Variants in SLC9C2 observed in about 807,000 individuals in gnomAD.
SLC9C2 encodes sodium/hydrogen exchanger 11.
SLC9C2 carries 75 observed loss-of-function variants against 140.2 expected under a neutral mutation model. The ratio of observed to expected loss-of-function variants is 0.53; its 90% confidence interval spans 0.44 to 0.65. The LOEUF (loss-of-function observed/expected upper bound fraction) is 0.65. SLC9C2 is among the 30% of genes least tolerant of loss of function. The pLI is 0.00. For missense variants in SLC9C2, 1,074 were observed against 1,331.8 expected, an observed-to-expected ratio of 0.81 and a Z score of 3.01; for synonymous variants, 375 against 420.9, an observed-to-expected ratio of 0.89 and a Z score of 1.34.
chr1:173,523,998 C>T lies in SLC9C2; in HGVS notation c.2611G>A (p.Gly871Ser), dbSNP rs779781888. 29 of 1,613,264 alleles carry T rather than the reference C, an allele frequency of 1.8e-5. No homozygotes were observed. The highest frequency in any genetic ancestry group is 2.2e-5 in the East Asian group (1 of 44,838). The stretch of plus-strand genomic sequence containing the variant: ...AAGAAGTCAATGAGAACATCTTTAC[C>T]TTCCAGCCAAATGATGTTGTGAAGG... ...IYLHNIIWLE[G>S]KDVLIDFFKE... Residue 871 changes from glycine (G) to serine (S), a missense_variant, in exon 21 of 28, where the codon GGT becomes AGT. Coordinates refer to ENST00000367714, the MANE Select transcript of SLC9C2 (RefSeq NM_178527.4).
At chr1:173,509,846 G>T in intron 23 of SLC9C2, 147 bp from the exon 24 acceptor site, 3 of 822,308 alleles carry the variant, frequency 3.6e-6, no homozygotes, top group African/African-American at 1.9e-5. Flanking sequence ...AGAAGCATTT[G>T]TATTGTGAAA....
At chr1:173,549,511 G>A (rs916507907) in intron 11 of SLC9C2, among the ~76,000 whole-genome samples, 7 of 152,154 alleles carry the variant, frequency 4.6e-5, no homozygotes, top group Non-Finnish European at 8.8e-5. Flanking sequence ...AGTTGCTCAG[G>A]GGAAATATGA....
chr1:173,574,648 C>G (rs1407822188), intron 8 of SLC9C2, among the ~76,000 whole-genome samples: 1 of 151,276 alleles, frequency 6.6e-6, no homozygotes, highest in Non-Finnish European at 1.5e-5. Context: ...GTAGCTGGGA[C>G]TACAGGCACC....
intron 7 of SLC9C2, among the ~76,000 whole-genome samples, chr1:173,579,805 C>A (rs1050837746): frequency 6.6e-6 from 1 of 152,132 alleles, no homozygotes; most frequent in Non-Finnish European, 1.5e-5. Context: ...AACCAAACAA[C>A]CCTATTCCAA....
intron 19 of SLC9C2, among the ~76,000 whole-genome samples, chr1:173,525,803 C>T (rs1465901752): frequency 6.6e-6 from 1 of 152,156 alleles, no homozygotes; most frequent in African/African-American, 2.4e-5. Context: ...TAATATAATG[C>T]AGCTGTCCTA....
intron 8 of SLC9C2, among the ~76,000 whole-genome samples, chr1:173,573,928 GCTGA>G (rs1372796411): frequency 1.3e-5 from 2 of 152,216 alleles, no homozygotes; most frequent in Non-Finnish European, 1.5e-5. Context: ...TTCCTACGGT[GCTGA>G]CTGTCTGCAC....
In SLC9C2 at chr1:173,557,489, C is replaced by T; in HGVS notation, c.1066G>A (p.Val356Met). The stretch of plus-strand genomic sequence containing the variant: ...TTTGAATGCATCAAAATAGGGCTCA[C>T]TAACAAAATAGTAAGCAACCTGTGG... ...NLVRLLTILLVSPILMHSNYE... is the reference protein window; with the variant it reads ...NLVRLLTILLMSPILMHSNYE... Residue 356 changes from valine to methionine, a missense_variant, in exon 10 of 28, where the codon GTG (valine) becomes ATG (methionine). Physicochemically the swap from Val to Met is conservative, Grantham distance 21. Coordinates refer to ENST00000367714, the MANE Select transcript of SLC9C2 (RefSeq NM_178527.4). 1 of 1,612,384 alleles carries T rather than the reference C, an allele frequency of 6.2e-7. No homozygotes were observed. Among genetic ancestry groups the T allele is most frequent in the Non-Finnish European group, 8.5e-7 (1 of 1,179,568 alleles).
At chr1:173,589,270 G>A (rs1037261275) in intron 4 of SLC9C2, among the ~76,000 whole-genome samples, 1 of 152,054 alleles carries the variant, frequency 6.6e-6, no homozygotes, top group African/African-American at 2.4e-5. Flanking sequence ...TTAAATTCTA[G>A]AGTAGGCCAG....
At chr1:173,546,898 T>A (rs1254368518) in intron 13 of SLC9C2, among the ~76,000 whole-genome samples, 1 of 152,158 alleles carries the variant, frequency 6.6e-6, no homozygotes, top group Non-Finnish European at 1.5e-5. Flanking sequence ...CTGAAATATT[T>A]ACAGATGTAT....
chr1:173,535,877 T>G lies in SLC9C2; in HGVS notation c.1728A>C (p.Leu576Phe). ...TTTCTATACAATATTCCAAGAAAGT[T>G]AAAACATTTTTAAACTTTATAAGCC... ...RSWLIKFKNV[L>F]TFLEYCIEKI... is the part of the protein sequence containing the mutation. Residue 576 changes from leucine to phenylalanine, a missense_variant, in exon 15 of 28, where the codon TTA becomes TTC. By Grantham distance (22) the Leu-to-Phe change is conservative. Coordinates refer to ENST00000367714, the MANE Select transcript of SLC9C2 (RefSeq NM_178527.4). The G allele has an allele frequency of 6.6e-7, 1 of 1,515,360 alleles. No homozygotes were observed. The highest frequency in any genetic ancestry group is 1.2e-5 in the South Asian group (1 of 83,490). The allele number at this position is 1,515,360 out of a possible 1,614,324, so 93.9% of individuals were successfully genotyped here. A position where few individuals can be genotyped will look rare whatever the true frequency, so the allele number is the denominator to read the frequency against.
chr1:173,582,434 C>T (rs1665603606), intron 6 of SLC9C2, among the ~76,000 whole-genome samples: 1 of 152,132 alleles, frequency 6.6e-6, no homozygotes, highest in African/African-American at 2.4e-5. Context: ...GCCCAGGAGA[C>T]ATTGGAAAAT....
chr1:173,523,959 G>T lies in SLC9C2; in HGVS notation c.2640+10C>A. The stretch of plus-strand genomic sequence containing the variant: ...CAAACCTGAGCCAGAATAGAAAACG[G>T]AATCTTTACCTTGAAGAAGTCAATG... On this transcript the variant is annotated intron_variant, in intron 21 of 27. Coordinates refer to ENST00000367714, the MANE Select transcript of SLC9C2 (RefSeq NM_178527.4). The T allele has an allele frequency of 6.2e-7, 1 of 1,600,948 alleles. No homozygotes were observed. Among genetic ancestry groups the T allele is most frequent in the South Asian group, 1.1e-5 (1 of 87,728 alleles).
Position 173,528,955 on chromosome 1 carries a change from C to T in SLC9C2, c.2313+950G>A, listed in dbSNP as rs148233028. On this transcript the variant is annotated intron_variant, in intron 18 of 27. Transcript: ENST00000367714. ...GTGAACCCCAAGGAAGCAGAATTAA[C>T]ACAGGAAGCAAAATATCTTTTAAGA... is the stretch of plus-strand genomic sequence containing the variant. 1.1e-3 allele frequency among the ~76,000 whole-genome samples: 175 copies of T among 152,194 alleles called. 2 individuals are homozygous for T. The East Asian group carries it at 0.025, about 21-fold the overall frequency.
At chr1:173,519,061 A>G (rs1176710142) in intron 22 of SLC9C2, among the ~76,000 whole-genome samples, 1 of 152,158 alleles carries the variant, frequency 6.6e-6, no homozygotes, top group African/African-American at 2.4e-5. Flanking sequence ...AAAAAGATCT[A>G]CAAAGTCCCT....
chr1:173,575,669 C>T (rs906699093), intron 8 of SLC9C2, among the ~76,000 whole-genome samples: 5 of 152,132 alleles, frequency 3.3e-5, no homozygotes, highest in East Asian at 1.9e-4. Flanking sequence ...CTCCGCCTCC[C>T]GGGTTCACGC....
At chr1:173,502,508 T>C (rs1034740673) in intron 27 of SLC9C2, among the ~76,000 whole-genome samples, 22 of 152,122 alleles carry the variant, frequency 1.4e-4, no homozygotes, top group Non-Finnish European at 2.1e-4. Context: ...TCATGAGCCC[T>C]GCAGGCTGCC....
At chr1:173,534,436 TAC>T (rs1458082377) in intron 16 of SLC9C2, 46 bp downstream of exon 16, 8 of 1,488,798 alleles carry the variant, frequency 5.4e-6, no homozygotes, top group African/African-American at 1.5e-5. Flanking sequence ...AGATTCAAAA[TAC>T]CTGAATTGCT....
chr1:173,571,125 A>G (rs1392524465), intron 9 of SLC9C2, among the ~76,000 whole-genome samples: 1 of 152,060 alleles, frequency 6.6e-6, no homozygotes. Context: ...TTCATCAGCC[A>G]TCTTGCTCCA....
At chr1:173,594,280 T>A (rs1056330370) in intron 4 of SLC9C2, among the ~76,000 whole-genome samples, 1 of 152,148 alleles carries the variant, frequency 6.6e-6, no homozygotes, top group Non-Finnish European at 1.5e-5. Flanking sequence ...AGCAATATAC[T>A]ATATAGTTTC....
Sources: gnomAD v4.1 joint callset for allele counts (sites outside exome capture counted in the v4.1 genomes callset) on GRCh38, gnomAD v4.1.1 for gene constraint, MANE v1.5 for transcripts, NCBI Gene and HGNC (gene_info 2026-07-23, HGNC 2026-07-21) for gene names.